The following PPP3CA variants were observed in gnomAD, a reference collection of about 807,000 sequenced individuals.
PPP3CA encodes protein phosphatase 3 catalytic subunit alpha.
In PPP3CA, 14 loss-of-function variants were observed where a neutral mutation model predicts 66.5. The ratio of observed to expected loss-of-function variants is 0.21; its 90% CI spans 0.14 to 0.33. The LOEUF (loss-of-function observed/expected upper bound fraction) is 0.33. Ranked by LOEUF, PPP3CA falls within the 10% of genes least tolerant of loss-of-function variation. PPP3CA has a pLI of 1.00. For missense variants in PPP3CA, 317 were observed against 639.5 expected (o/e 0.50, Z 5.44); for synonymous variants, 232 against 226.2 (o/e 1.03, Z -0.23).
intron 1 of PPP3CA, among the ~76,000 whole-genome samples, chr4:101,281,353 T>C (rs1228360707): frequency 3.9e-5 from 6 of 152,202 alleles, no homozygotes; most frequent in Admixed American, 3.9e-4. Context: ...GTAAAAACTA[T>C]GGCATCTTCT....
chr4:101,051,092 A>G (rs1727988332), intron 10 of PPP3CA, among the ~76,000 whole-genome samples: 1 of 152,156 alleles, frequency 6.6e-6, no homozygotes. Context: ...CACTCCAAAA[A>G]GATGCGGTTG....
At chr4:101,111,752 C>T (rs1270546940) in intron 2 of PPP3CA, among the ~76,000 whole-genome samples, 2 of 152,036 alleles carry the variant, frequency 1.3e-5, no homozygotes, top group African/African-American at 2.4e-5. Context: ...GATACTGGTA[C>T]CTTACATTAT....
intron 2 of PPP3CA, among the ~76,000 whole-genome samples, chr4:101,126,119 G>A (rs1464451928): frequency 6.6e-6 from 1 of 152,196 alleles, no homozygotes; most frequent in South Asian, 2.1e-4. Flanking sequence ...ATTAACACAT[G>A]TAATGAACTA....
At chr4:101,046,531 A>T (rs911115358) in intron 10 of PPP3CA, among the ~76,000 whole-genome samples, 2 of 151,958 alleles carry the variant, frequency 1.3e-5, no homozygotes, top group Non-Finnish European at 2.9e-5. Flanking sequence ...TTATACTAAA[A>T]TTTTTTGTGT....
chr4:101,069,103 T>C (rs1728802568), intron 8 of PPP3CA, among the ~76,000 whole-genome samples: 1 of 152,112 alleles, frequency 6.6e-6, no homozygotes, highest in Non-Finnish European at 1.5e-5. Context: ...GGCACAATCA[T>C]AGCTAACTGC....
intron 1 of PPP3CA, among the ~76,000 whole-genome samples, chr4:101,331,587 A>G (rs1364614733): frequency 6.6e-6 from 1 of 152,212 alleles, no homozygotes; most frequent in Non-Finnish European, 1.5e-5. Context: ...TAAGGGTTTC[A>G]GAGAAGTTTC....
At chr4:101,320,553 G>A (rs1316157428) in intron 1 of PPP3CA, among the ~76,000 whole-genome samples, 2 of 151,880 alleles carry the variant, frequency 1.3e-5, no homozygotes, top group African/African-American at 4.8e-5. Flanking sequence ...GTGGAGGGCG[G>A]AGGGGCTTGG....
intron 2 of PPP3CA, among the ~76,000 whole-genome samples, chr4:101,168,545 A>G (rs763313248): frequency 6.6e-6 from 1 of 152,146 alleles, no homozygotes; most frequent in Non-Finnish European, 1.5e-5. Flanking sequence ...ATTGTGGGAC[A>G]CTCTAAGAGG....
At chr4:101,329,455 T>G (rs1729310215) in intron 1 of PPP3CA, among the ~76,000 whole-genome samples, 1 of 152,208 alleles carries the variant, frequency 6.6e-6, no homozygotes, top group South Asian at 2.1e-4. Flanking sequence ...CAAATTTTAA[T>G]GTAGAAGCTA....
At position 101,346,834 on chromosome 4, in the gene PPP3CA, G is replaced by A. The variant is rs765063339; in HGVS notation, c.-38C>T. 1 of 1,598,152 alleles carries A rather than the reference G, an allele frequency of 6.3e-7. No individual in the cohort carries two copies. Among genetic ancestry groups the A allele is most frequent in the Non-Finnish European group, 8.5e-7 (1 of 1,173,378 alleles). On this transcript the variant is annotated 5_prime_UTR_variant, in exon 1 of 14. The change creates a new upstream start codon in the 5' untranslated region. Coordinates refer to ENST00000394854, the MANE Select transcript of PPP3CA (RefSeq NM_000944.5). Reference sequence around the variant, plus strand: ...GAGGACAGCGACGCGCTGCTCGTCCGTCCGACTGCACACCCCGACCGGACC... The same window carrying A: ...GAGGACAGCGACGCGCTGCTCGTCCATCCGACTGCACACCCCGACCGGACC...
At chr4:101,217,157 A>C (rs1044844466) in intron 1 of PPP3CA, among the ~76,000 whole-genome samples, 4 of 152,238 alleles carry the variant, frequency 2.6e-5, no homozygotes, top group African/African-American at 4.8e-5. Flanking sequence ...TGTGGATTTC[A>C]TTTATCCCTG....
At chr4:101,315,551 T>C (rs1224105492) in intron 1 of PPP3CA, among the ~76,000 whole-genome samples, 5 of 152,148 alleles carry the variant, frequency 3.3e-5, no homozygotes, top group Admixed American at 6.6e-5. Context: ...CGCAGAAATA[T>C]GCCCAAAAGA....
At chr4:101,333,193 C>T (rs1729494195) in intron 1 of PPP3CA, among the ~76,000 whole-genome samples, 2 of 147,848 alleles carry the variant, frequency 1.4e-5, no homozygotes, top group African/African-American at 2.5e-5. Context: ...CAGCCTCAAC[C>T]TCCTGGGCTC....
At position 101,085,857 on chromosome 4, in the gene PPP3CA, C is replaced by CACACAG. The variant is rs376573963; in HGVS notation, c.783-2595_783-2594insCTGTGT. Among the ~76,000 whole-genome samples, 78 of 110,600 alleles carry CACACAG rather than the reference C, an allele frequency of 7.1e-4. No homozygotes were observed. In the South Asian group the frequency reaches 7.9e-3, roughly 11 times the overall value. The allele number at this position is 110,600 out of a possible 152,430, so 72.6% of individuals were successfully genotyped here. ...ATATACACACACACACACACACACA[C>CACACAG]AGAGAGAGAGAGAGAGAAAGAGCGA... On this transcript the variant is annotated intron_variant, in intron 6 of 13. Coordinates refer to ENST00000394854, the MANE Select transcript of PPP3CA (RefSeq NM_000944.5).
intron 1 of PPP3CA, among the ~76,000 whole-genome samples, chr4:101,283,310 G>A (rs1311234292): frequency 2.0e-5 from 3 of 152,098 alleles, no homozygotes; most frequent in African/African-American, 7.2e-5. Flanking sequence ...TCTAAGCCTT[G>A]GTATCAATAC....
chr4:101,311,993 A>C (rs1010588318), intron 1 of PPP3CA, among the ~76,000 whole-genome samples: 1 of 152,206 alleles, frequency 6.6e-6, no homozygotes, highest in Non-Finnish European at 1.5e-5. Flanking sequence ...ATCACTATGT[A>C]TCATTTAAAA....
chr4:101,127,675 G>A (rs1722289522), intron 2 of PPP3CA, among the ~76,000 whole-genome samples: 1 of 152,128 alleles, frequency 6.6e-6, no homozygotes. Context: ...GCACTTTGTT[G>A]AGGCCAGCCC....
intron 2 of PPP3CA, among the ~76,000 whole-genome samples, chr4:101,166,289 G>A (rs1200458581): frequency 6.6e-6 from 1 of 152,046 alleles, no homozygotes; most frequent in Non-Finnish European, 1.5e-5. Context: ...ATTCTTTGGT[G>A]TCTGATAACC....
intron 1 of PPP3CA, among the ~76,000 whole-genome samples, chr4:101,218,822 A>C (rs1725532984): frequency 6.6e-6 from 1 of 152,078 alleles, no homozygotes; most frequent in Non-Finnish European, 1.5e-5. Flanking sequence ...TTAAGTGCTG[A>C]AATGTACAGA....
Sources: gnomAD v4.1 joint callset for allele counts (sites outside exome capture counted in the v4.1 genomes callset) on GRCh38, gnomAD v4.1.1 for gene constraint, MANE v1.5 for transcripts, NCBI Gene and HGNC (gene_info 2026-07-23, HGNC 2026-07-21) for gene names.